MYO1E: variants seen among roughly 807,000 people sequenced by gnomAD.
MYO1E encodes the protein unconventional myosin-Ie.
MYO1E carries 68 observed loss-of-function variants against 151.1 expected under a neutral mutation model. The observed-to-expected ratio is 0.45, with a 90% confidence interval of 0.37 to 0.55. MYO1E has a LOEUF of 0.55. Ranked by LOEUF, MYO1E falls within the 20% of genes least tolerant of loss-of-function variation. The pLI is 0.00. For synonymous variants in MYO1E, 601 were observed against 501.7 expected, an observed-to-expected ratio of 1.20 and a Z score of -2.64; for missense variants, 1,363 against 1,389.3, an observed-to-expected ratio of 0.98 and a Z score of 0.30.
intron 1 of MYO1E, among the ~76,000 whole-genome samples, chr15:59,326,595 G>A (rs1359613675): frequency 2.6e-5 from 4 of 152,182 alleles, no homozygotes; most frequent in South Asian, 2.1e-4. Context: ...TTTCAATGTC[G>A]TATCGACACG....
At position 59,172,116 on chromosome 15, in the gene MYO1E, G is replaced by A. The variant is rs567112084; in HGVS notation, c.2335-74C>T. The stretch of plus-strand genomic sequence containing the variant: ...TCACACCTGTAATCCCAGTACTTTC[G>A]GAGGCCGAGGCGGGTGAATCACCTG... On this transcript the variant is annotated intron_variant, in intron 21 of 27. Coordinates refer to ENST00000288235, the MANE Select transcript of MYO1E (RefSeq NM_004998.4). 3.2e-5 allele frequency: 47 copies of A among 1,451,594 alleles called. No individual in the cohort carries two copies. In the Admixed American group the frequency reaches 5.3e-4, roughly 17 times the overall value. 89.9% of individuals were successfully genotyped at this position (1,451,594 alleles called of 1,614,324 possible).
intron 1 of MYO1E, among the ~76,000 whole-genome samples, chr15:59,308,263 T>C (rs1596410446): frequency 1.5e-5 from 2 of 130,138 alleles, no homozygotes; most frequent in Admixed American, 8.0e-5. Context: ...AGGCTGGGCA[T>C]GGTGGCTCAC....
At chr15:59,273,152 C>T in intron 1 of MYO1E, among the ~76,000 whole-genome samples, 1 of 152,186 alleles carries the variant, frequency 6.6e-6, no homozygotes, top group Non-Finnish European at 1.5e-5. Flanking sequence ...GAGGGGAAGG[C>T]CTCATCCCCG....
At chr15:59,161,281 G>A (rs1365116474) in intron 23 of MYO1E, 51 bp from the exon 24 acceptor site, 16 of 1,589,098 alleles carry the variant, frequency 1.0e-5, no homozygotes, top group African/African-American at 1.3e-5. Flanking sequence ...GTGAGAAAAC[G>A]GTGCTCAGAG....
intron 2 of MYO1E, among the ~76,000 whole-genome samples, chr15:59,267,810 G>A (rs2080265481): frequency 6.6e-6 from 1 of 152,204 alleles, no homozygotes; most frequent in Non-Finnish European, 1.5e-5. Context: ...CAATGTAATT[G>A]TAAAAAGTGT....
intron 2 of MYO1E, among the ~76,000 whole-genome samples, chr15:59,271,794 G>A (rs2080290485): frequency 1.3e-5 from 2 of 152,204 alleles, no homozygotes; most frequent in Non-Finnish European, 2.9e-5. Flanking sequence ...CTGCTTTGCA[G>A]TCAGGATGCA....
intron 2 of MYO1E, among the ~76,000 whole-genome samples, chr15:59,262,514 G>C (rs1430686704): frequency 6.6e-6 from 1 of 151,992 alleles, no homozygotes; most frequent in African/African-American, 2.4e-5. Context: ...TGCAGTCCCA[G>C]CTACTGGGCA....
At chr15:59,157,165 G>A (rs2140308666) in intron 25 of MYO1E, among the ~76,000 whole-genome samples, 2 of 152,218 alleles carry the variant, frequency 1.3e-5, no homozygotes, top group South Asian at 4.1e-4. Flanking sequence ...GGCTGAGGCT[G>A]CAGTGAGCTA....
At chr15:59,196,769 G>A (rs1244397859) in intron 16 of MYO1E, among the ~76,000 whole-genome samples, 3 of 152,118 alleles carry the variant, frequency 2.0e-5, no homozygotes, top group South Asian at 2.1e-4. Context: ...CATGATCAAA[G>A]CAAAGCCCTA....
At chr15:59,173,720 C>CT (rs2079608581) in intron 21 of MYO1E, 26 bp downstream of exon 21, 1 of 1,613,134 alleles carries the variant, frequency 6.2e-7, no homozygotes, top group East Asian at 2.2e-5. Flanking sequence ...GTTTGGTGAT[C>CT]TCAGAGGCAG....
chr15:59,206,037 G>C lies in MYO1E; in HGVS notation c.1531-552C>G, dbSNP rs149648964. Among the ~76,000 whole-genome samples, 619 of 152,086 alleles carry C rather than the reference G, an allele frequency of 4.1e-3. 1 individual carries two copies. The highest frequency in any genetic ancestry group is 0.014 in the African/African-American group (588 of 41,470). On this transcript the variant is annotated intron_variant, in intron 14 of 27. Transcript: ENST00000288235. ...CAGCTGGGATGATGGATGAGACCAGGGGATTTCCATAGCACTAGGAAGTCC... is the reference window on the plus strand; with the variant it reads ...CAGCTGGGATGATGGATGAGACCAGCGGATTTCCATAGCACTAGGAAGTCC...
intron 1 of MYO1E, among the ~76,000 whole-genome samples, chr15:59,337,393 C>T (rs546629383): frequency 2.9e-4 from 44 of 152,268 alleles, no homozygotes; most frequent in Non-Finnish European, 6.0e-4. Flanking sequence ...TGTGATTTTT[C>T]TAAACATGAA....
chr15:59,337,508 A>C (rs1395299201), intron 1 of MYO1E, among the ~76,000 whole-genome samples: 2 of 152,238 alleles, frequency 1.3e-5, no homozygotes, highest in Admixed American at 1.3e-4. Context: ...TATGAAACTT[A>C]AAAGAACATT....
chr15:59,218,016 T>C lies in MYO1E; in HGVS notation c.982A>G (p.Met328Val). 1 of 1,614,246 alleles carries C rather than the reference T, an allele frequency of 6.2e-7. No homozygotes were observed. The highest frequency in any genetic ancestry group is 8.5e-7 in the Non-Finnish European group (1 of 1,180,036). ...GATTTGCCTCCCCACTTGCTATCCA[T>C]CTGCCGGCTTGTTAGCTTTTCTTTC... ...RLKEKLTSRQ[M>V]DSKWGGKSES... The change falls in exon 10 of 28, where the codon ATG becomes GTG. Residue 328 changes from methionine to valine, a missense_variant. Transcript: ENST00000288235.
intron 6 of MYO1E, among the ~76,000 whole-genome samples, chr15:59,228,522 TTATA>T (rs1252676775): frequency 1.3e-5 from 2 of 151,116 alleles, no homozygotes; most frequent in African/African-American, 4.8e-5. Context: ...ATAACAATTA[TTATA>T]TATATTTCAT....
At chr15:59,153,908 T>C in intron 25 of MYO1E, 117 bp from the exon 26 acceptor site, 2 of 961,540 alleles carry the variant, frequency 2.1e-6, no homozygotes. Flanking sequence ...TGAGTCTCAA[T>C]TTCCGCATTT....
chr15:59,138,420 C>T, intron 26 of MYO1E, 53 bp from the exon 27 acceptor site: 1 of 1,600,648 alleles, frequency 6.2e-7, no homozygotes, highest in African/African-American at 1.3e-5. Context: ...GGCAGCAGCA[C>T]CGAACGGTGG....
intron 25 of MYO1E, among the ~76,000 whole-genome samples, chr15:59,157,286 A>C (rs1434470781): frequency 6.6e-6 from 1 of 152,188 alleles, no homozygotes; most frequent in African/African-American, 2.4e-5. Context: ...ATACTCTCAG[A>C]TATTACTTTG....
intron 1 of MYO1E, chr15:59,341,433 T>C (rs2080765342): frequency 6.6e-6 from 1 of 152,180 alleles, no homozygotes; most frequent in Non-Finnish European, 1.5e-5. Context: ...TGCTAGCTCT[T>C]ATTCATTCTA....
Sources: allele counts gnomAD v4.1 joint callset (sites outside exome capture counted in the v4.1 genomes callset), GRCh38; gene constraint gnomAD v4.1.1; transcripts MANE v1.5; gene names NCBI Gene and HGNC (gene_info 2026-07-23, HGNC 2026-07-21).